Variants in ROR2 observed in about 807,000 individuals in gnomAD.
ROR2 encodes the protein ROR family WNT receptor 2, also known as tyrosine-protein kinase transmembrane receptor ROR2.
Under a neutral mutation model 74.9 loss-of-function variants are expected in ROR2, and 33 were observed. The ratio of observed to expected loss-of-function variants is 0.44; its 90% confidence interval spans 0.33 to 0.59. The LOEUF is 0.59. ROR2 is among the 20% of genes least tolerant of loss of function. ROR2 has a pLI of 0.02. For synonymous variants in ROR2, 586 were observed against 558.7 expected, an observed-to-expected ratio of 1.05 and a Z score of -0.69; for missense variants, 1,216 against 1,313.8, an observed-to-expected ratio of 0.93 and a Z score of 1.15.
intron 4 of ROR2, among the ~76,000 whole-genome samples, chr9:91,752,086 G>C (rs1037049918): frequency 6.6e-6 from 1 of 152,178 alleles, no homozygotes; most frequent in South Asian, 2.1e-4. Flanking sequence ...ACTTAAAAAG[G>C]CTGACCACAC....
chr9:91,929,815 A>C (rs766203800), intron 1 of ROR2, among the ~76,000 whole-genome samples: 1 of 152,142 alleles, frequency 6.6e-6, no homozygotes, highest in Non-Finnish European at 1.5e-5. Flanking sequence ...CCACTACCTC[A>C]AGTGGCTTCC....
intron 1 of ROR2, among the ~76,000 whole-genome samples, chr9:91,776,334 G>A (rs933654036): frequency 2.0e-5 from 3 of 152,144 alleles, no homozygotes; most frequent in East Asian, 1.9e-4. Context: ...ATAAATGGGC[G>A]CTGTGGCTTT....
intron 1 of ROR2, among the ~76,000 whole-genome samples, chr9:91,917,623 T>A (rs1831169152): frequency 6.6e-6 from 1 of 152,164 alleles, no homozygotes; most frequent in African/African-American, 2.4e-5. Context: ...CGGGCACAGA[T>A]CCCACTTCTG....
At chr9:91,793,839 C>T (rs1448594905) in intron 1 of ROR2, among the ~76,000 whole-genome samples, 3 of 151,168 alleles carry the variant, frequency 2.0e-5, no homozygotes, top group African/African-American at 7.3e-5. Context: ...AGATTCAAAA[C>T]TACAGTGCTA....
chr9:91,833,434 A>G (rs1055856925), intron 1 of ROR2, among the ~76,000 whole-genome samples: 4 of 152,036 alleles, frequency 2.6e-5, no homozygotes, highest in African/African-American at 9.7e-5. Context: ...AATGGCGGCC[A>G]TGTCCTTTCA....
rs1836902084 is a variant in ROR2, at chr9:91,724,046, C to T, written c.2448G>A (p.Gln816=). 3.1e-6 allele frequency: 5 copies of T among 1,611,470 alleles called. No homozygotes were observed. The highest frequency in any genetic ancestry group is 4.2e-6 in the Non-Finnish European group (5 of 1,179,672). The change falls in exon 9 of 9, where the codon CAG becomes CAA. Residue 816 remains glutamine (Q), a synonymous_variant. Transcript: ENST00000375708. ...GGTAGCCGTTGACGGGGACGTAGAG[C>T]TGCGGCGGGGGCACCATGGGTCTGA... is the stretch of plus-strand genomic sequence containing the variant. ...GQIRPMVPPP[Q]LYVPVNGYQP...
At chr9:91,862,428 C>T (rs1251532897) in intron 1 of ROR2, among the ~76,000 whole-genome samples, 1 of 151,996 alleles carries the variant, frequency 6.6e-6, no homozygotes, top group Non-Finnish European at 1.5e-5. Context: ...GGGACCAAGG[C>T]AGGAGGATCA....
intron 1 of ROR2, among the ~76,000 whole-genome samples, chr9:91,787,574 C>T (rs1826841919): frequency 6.6e-6 from 1 of 151,998 alleles, no homozygotes; most frequent in Non-Finnish European, 1.5e-5. Context: ...ACTCAGTGGT[C>T]ACACATTACA....
chr9:91,743,389 T>C (rs765656193), intron 4 of ROR2, among the ~76,000 whole-genome samples: 42 of 152,000 alleles, frequency 2.8e-4, no homozygotes, highest in Non-Finnish European at 5.0e-4. Context: ...CTGGCCAACA[T>C]TGTGAAACGC....
intron 1 of ROR2, among the ~76,000 whole-genome samples, chr9:91,830,942 A>C (rs930291299): frequency 2.2e-4 from 34 of 151,882 alleles, no homozygotes; most frequent in African/African-American, 8.0e-4. Flanking sequence ...GATTGACAGT[A>C]CACACTTTCT....
At chr9:91,869,535 T>C (rs894736179) in intron 1 of ROR2, among the ~76,000 whole-genome samples, 4 of 152,154 alleles carry the variant, frequency 2.6e-5, no homozygotes, top group African/African-American at 7.2e-5. Flanking sequence ...ATGGCAAAGG[T>C]ATTATGCTGA....
intron 1 of ROR2, among the ~76,000 whole-genome samples, chr9:91,903,312 C>T (rs1830720041): frequency 6.6e-6 from 1 of 151,978 alleles, no homozygotes; most frequent in South Asian, 2.1e-4. Context: ...ATGCCCACAC[C>T]CCAACCCGCT....
intron 1 of ROR2, among the ~76,000 whole-genome samples, chr9:91,860,576 C>T (rs988927069): frequency 2.6e-5 from 4 of 152,164 alleles, no homozygotes; most frequent in African/African-American, 7.2e-5. Context: ...GCTGGAGACC[C>T]GGGGATGCCG....
At chr9:91,888,811 C>T (rs1830352559) in intron 1 of ROR2, among the ~76,000 whole-genome samples, 1 of 152,182 alleles carries the variant, frequency 6.6e-6, no homozygotes, top group Non-Finnish European at 1.5e-5. Context: ...CTGGCTGTGT[C>T]CTGCACGGGA....
In ROR2 at chr9:91,724,764, G is replaced by A. The variant is rs775295919; in HGVS notation, c.1730C>T (p.Thr577Ile). ...GGACTTCACCGTGCGGTCATCATCG[G>A]TGCTGCCCACGTCCGAGTGCGGCGA... ...MRSPHSDVGSTDDDRTVKSAL... is the reference protein window; with the variant it reads ...MRSPHSDVGSIDDDRTVKSAL... The change falls in exon 9 of 9, where the codon ACC becomes ATC. Residue 577 changes from threonine to isoleucine, a missense_variant. Transcript: ENST00000375708. 3.0e-5 allele frequency: 48 copies of A among 1,613,618 alleles called. 1 individual carries two copies. The South Asian group carries it at 4.9e-4, about 17-fold the overall frequency.
intron 1 of ROR2, among the ~76,000 whole-genome samples, chr9:91,853,449 G>T (rs1829177900): frequency 1.3e-5 from 2 of 152,144 alleles, no homozygotes; most frequent in South Asian, 4.1e-4. Flanking sequence ...CCACATAGAT[G>T]GCCTTTGCAG....
At chr9:91,806,803 A>G (rs189200771) in intron 1 of ROR2, among the ~76,000 whole-genome samples, 1 of 152,058 alleles carries the variant, frequency 6.6e-6, no homozygotes, top group African/African-American at 2.4e-5. Context: ...GTTAGCCAGG[A>G]TGGTCTCGAT....
chr9:91,921,788 G>A (rs145341048), intron 1 of ROR2, among the ~76,000 whole-genome samples: 4,417 of 151,490 alleles, frequency 0.029, 101 homozygotes, highest in East Asian at 0.062. Context: ...GCTTGAACCC[G>A]GGAGACAGGT....
intron 4 of ROR2, among the ~76,000 whole-genome samples, chr9:91,747,329 T>A (rs1825454516): frequency 6.6e-6 from 1 of 152,182 alleles, no homozygotes; most frequent in Admixed American, 6.5e-5. Context: ...TCCACCTCCC[T>A]CAACATGCAC....
Sources: gnomAD v4.1 joint callset for allele counts (sites outside exome capture counted in the v4.1 genomes callset) on GRCh38, gnomAD v4.1.1 for gene constraint, MANE v1.5 for transcripts, NCBI Gene and HGNC (gene_info 2026-07-23, HGNC 2026-07-21) for gene names.